VPS41: variants seen among roughly 807,000 people sequenced by gnomAD.
VPS41 encodes the protein VPS41 subunit of HOPS complex, also known as vacuolar protein sorting-associated protein 41 homolog.
In VPS41, 85 loss-of-function variants were observed where a neutral mutation model predicts 130.9. That is an observed-to-expected ratio of 0.65 (90% CI 0.55 to 0.78). The LOEUF (loss-of-function observed/expected upper bound fraction) is 0.78, where lower values mean the gene tolerates loss of function less well. Among genes scored for constraint, VPS41 ranks in the 30% least tolerant of loss-of-function variants. VPS41 has a pLI of 0.00. For synonymous variants in VPS41, 335 were observed against 332.9 expected (o/e 1.01, Z -0.07); for missense variants, 874 against 1,018.7 (o/e 0.86, Z 1.93).
chr7:38,741,932 C>T (rs762976064), intron 25 of VPS41, 53 bp downstream of exon 25: 2 of 1,591,134 alleles, frequency 1.3e-6, no homozygotes, highest in South Asian at 1.1e-5. Context: ...AATATTTATC[C>T]AGTACTAAGT....
chr7:38,860,479 T>A (rs1249275841), intron 4 of VPS41, among the ~76,000 whole-genome samples: 3 of 152,014 alleles, frequency 2.0e-5, no homozygotes, highest in Non-Finnish European at 4.4e-5. Flanking sequence ...ATTGCTATAG[T>A]TTAGTTTTGC....
intron 25 of VPS41, chr7:38,741,352 C>A: frequency 5.7e-6 from 2 of 353,002 alleles, no homozygotes; most frequent in South Asian, 2.4e-5. Context: ...ATAGTAATTG[C>A]TAGAGTCTTT....
chr7:38,871,003 G>C (rs1786345894), intron 2 of VPS41, among the ~76,000 whole-genome samples: 1 of 151,846 alleles, frequency 6.6e-6, no homozygotes, highest in East Asian at 1.9e-4. Context: ...ATATGTAAAG[G>C]AATCTATGAG....
intron 27 of VPS41, 155 bp downstream of exon 27, chr7:38,728,387 T>C: frequency 1.2e-6 from 1 of 842,340 alleles, no homozygotes. Flanking sequence ...GCACCAGCAT[T>C]CCACTGAGCA....
chr7:38,864,970 G>A (rs1052518957), intron 3 of VPS41, among the ~76,000 whole-genome samples: 4 of 151,816 alleles, frequency 2.6e-5, no homozygotes, highest in African/African-American at 9.7e-5. Flanking sequence ...CATAAAGACT[G>A]GACTTTATGT....
chr7:38,835,642 C>A (rs1785475909), intron 4 of VPS41, among the ~76,000 whole-genome samples: 1 of 151,686 alleles, frequency 6.6e-6, no homozygotes, highest in Admixed American at 6.6e-5. Flanking sequence ...AATTCATATT[C>A]TCTATTTTAG....
chr7:38,782,487 G>A (rs894711822), intron 10 of VPS41, among the ~76,000 whole-genome samples: 1 of 152,220 alleles, frequency 6.6e-6, no homozygotes, highest in East Asian at 1.9e-4. Context: ...TGTTGTCTGT[G>A]GGTTTTTGGT....
intron 25 of VPS41, 130 bp from the exon 26 acceptor site, chr7:38,728,921 T>C (rs1795603230): frequency 2.6e-6 from 2 of 780,506 alleles, no homozygotes; most frequent in Non-Finnish European, 4.1e-6. Context: ...ACTGATTCTC[T>C]TGCCCTCAGT....
chr7:38,887,189 G>A (rs1477232956), intron 2 of VPS41, among the ~76,000 whole-genome samples: 1 of 152,194 alleles, frequency 6.6e-6, no homozygotes, highest in Non-Finnish European at 1.5e-5. Flanking sequence ...TTGACAAGTT[G>A]ACCGAAGTAG....
At chr7:38,784,916 C>T (rs1784413500) in intron 10 of VPS41, among the ~76,000 whole-genome samples, 2 of 152,170 alleles carry the variant, frequency 1.3e-5, no homozygotes. Context: ...AAATGCTACC[C>T]AGATTTCTTT....
At chr7:38,821,390 C>G (rs146559231) in intron 5 of VPS41, 125 bp from the exon 6 acceptor site, 8 of 660,744 alleles carry the variant, frequency 1.2e-5, no homozygotes, top group Middle Eastern at 2.7e-4. Flanking sequence ...CCCGTGACCT[C>G]TATTAAATAT....
chr7:38,777,264 C>T (rs1446242124), intron 10 of VPS41, among the ~76,000 whole-genome samples: 1 of 151,726 alleles, frequency 6.6e-6, no homozygotes, highest in East Asian at 1.9e-4. Context: ...ATTTAAAGAA[C>T]TTGAAGTTAA....
At chr7:38,875,556 T>G (rs1786474392) in intron 2 of VPS41, among the ~76,000 whole-genome samples, 1 of 152,186 alleles carries the variant, frequency 6.6e-6, no homozygotes, top group African/African-American at 2.4e-5. Flanking sequence ...GACTATCTGG[T>G]AGGAAAGATG....
intron 25 of VPS41, 22 bp from the exon 26 acceptor site, chr7:38,728,813 A>G: frequency 6.2e-7 from 1 of 1,609,498 alleles, no homozygotes; most frequent in Non-Finnish European, 8.5e-7. Context: ...ATTTTAAAAG[A>G]AAAGCCATCT....
At chr7:38,811,724 T>C (rs1784947623) in intron 7 of VPS41, among the ~76,000 whole-genome samples, 2 of 151,876 alleles carry the variant, frequency 1.3e-5, no homozygotes, top group South Asian at 4.1e-4. Context: ...GTGCTTTGAT[T>C]GTACTGGGAA....
chr7:38,796,908 T>C (rs1272699216), intron 7 of VPS41, 44 bp from the exon 8 acceptor site: 1 of 1,611,046 alleles, frequency 6.2e-7, no homozygotes, highest in African/African-American at 1.3e-5. Flanking sequence ...AAACTGAAAA[T>C]AATGTATCAG....
chr7:38,891,707 CAT>C (rs1323510172), intron 2 of VPS41, among the ~76,000 whole-genome samples: 1 of 152,150 alleles, frequency 6.6e-6, no homozygotes, highest in Non-Finnish European at 1.5e-5. Context: ...TGAAAAAGGA[CAT>C]ATGAATATTT....
chr7:38,805,564 A>G (rs1784824914), intron 7 of VPS41, among the ~76,000 whole-genome samples: 1 of 122,884 alleles, frequency 8.1e-6, no homozygotes, highest in Admixed American at 1.1e-4. Context: ...AGTAAAGCCC[A>G]AAAGTTGAAA....
At chr7:38,886,362 C>T (rs983406329) in intron 2 of VPS41, among the ~76,000 whole-genome samples, 2 of 152,212 alleles carry the variant, frequency 1.3e-5, no homozygotes, top group Non-Finnish European at 2.9e-5. Flanking sequence ...GTGCCTGGCT[C>T]GGCAGGTACC....
Sources: allele counts gnomAD v4.1 joint callset (sites outside exome capture counted in the v4.1 genomes callset), GRCh38; gene constraint gnomAD v4.1.1; transcripts MANE v1.5; gene names NCBI Gene and HGNC (gene_info 2026-07-23, HGNC 2026-07-21).